MAGI1: variants seen among roughly 807,000 people sequenced by gnomAD.
MAGI1 encodes the protein membrane associated guanylate kinase, WW and PDZ domain containing 1, also known as membrane-associated guanylate kinase, WW and PDZ domain-containing protein 1.
MAGI1 carries 58 observed loss-of-function variants against 139.9 expected under a neutral mutation model. The observed-to-expected ratio is 0.41, with a 90% CI of 0.34 to 0.52. MAGI1 has a LOEUF of 0.52. Among genes scored for constraint, MAGI1 ranks in the 20% least tolerant of loss-of-function variants. The pLI is 0.12. For synonymous variants in MAGI1, 812 were observed against 737.9 expected (o/e 1.10, Z -1.63); for missense variants, 1,874 against 1,901.6 (o/e 0.99, Z 0.27).
chr3:65,660,177 G>C (rs1342951384), intron 1 of MAGI1, among the ~76,000 whole-genome samples: 1 of 152,154 alleles, frequency 6.6e-6, no homozygotes, highest in African/African-American at 2.4e-5. Flanking sequence ...ACCATAGTGA[G>C]GTAAAAGTTC....
intron 2 of MAGI1, among the ~76,000 whole-genome samples, chr3:65,497,229 CAGAG>C (rs930663522): frequency 6.6e-6 from 1 of 151,960 alleles, no homozygotes; most frequent in African/African-American, 2.4e-5. Flanking sequence ...ATAAAATCTA[CAGAG>C]AGAGTTTAGG....
At chr3:65,598,472 T>C (rs2082333378) in intron 2 of MAGI1, among the ~76,000 whole-genome samples, 1 of 152,212 alleles carries the variant, frequency 6.6e-6, no homozygotes, top group Non-Finnish European at 1.5e-5. Context: ...CTGATGAAAC[T>C]GACTTCTGCC....
chr3:66,030,768 C>T (rs1355873883), intron 1 of MAGI1, among the ~76,000 whole-genome samples: 1 of 152,108 alleles, frequency 6.6e-6, no homozygotes, highest in Non-Finnish European at 1.5e-5. Flanking sequence ...ATAAGGACTT[C>T]GGCTTTCACT....
At position 65,562,412 on chromosome 3, in the gene MAGI1, T is replaced by C. The variant is rs559932688; in HGVS notation, c.430+59560A>G. ...AGAACACTATGCATCTTAGAATTGA[T>C]AAATATAGTATTGTAAAAAAGTAAT... On this transcript the variant is annotated intron_variant, in intron 2 of 22. Transcript: ENST00000402939. 6.6e-5 allele frequency among the ~76,000 whole-genome samples: 10 copies of C among 152,336 alleles called. No individual in the cohort carries two copies. The South Asian group carries it at 1.7e-3, about 25-fold the overall frequency.
intron 1 of MAGI1, among the ~76,000 whole-genome samples, chr3:65,764,890 C>G (rs1197119594): frequency 6.6e-6 from 1 of 152,134 alleles, no homozygotes; most frequent in Non-Finnish European, 1.5e-5. Context: ...TTGTTTTGTC[C>G]TTTTTCACTT....
At position 65,572,632 on chromosome 3, in the gene MAGI1, C is replaced by T. The variant is rs2081009452; in HGVS notation, c.430+49340G>A. On this transcript the variant is annotated intron_variant, in intron 2 of 22. Transcript: ENST00000402939. ...ACTAGAGACCTTGAGTTTCTCTGAT[C>T]CTATAAGTAGAAGCAGCCATAGTAG... Among the ~76,000 whole-genome samples the T allele has an allele frequency of 3.3e-5, 5 of 152,086 alleles. 1 individual carries two copies. In the South Asian group the frequency reaches 1.0e-3, roughly 32 times the overall value.
intron 12 of MAGI1, among the ~76,000 whole-genome samples, chr3:65,421,279 C>T (rs1255111445): frequency 6.6e-6 from 1 of 152,102 alleles, no homozygotes; most frequent in African/African-American, 2.4e-5. Flanking sequence ...CCTTTAATAC[C>T]AAATTGGAAT....
chr3:65,692,797 C>T (rs533363245), intron 1 of MAGI1, among the ~76,000 whole-genome samples: 2 of 152,120 alleles, frequency 1.3e-5, no homozygotes, highest in Non-Finnish European at 2.9e-5. Flanking sequence ...CTCTTGTGAG[C>T]CCCCTTGCCA....
intron 1 of MAGI1, among the ~76,000 whole-genome samples, chr3:65,939,406 A>G (rs914917345): frequency 2.6e-5 from 4 of 152,228 alleles, no homozygotes; most frequent in African/African-American, 9.6e-5. Context: ...CAATAACTCA[A>G]TGTGAACTCC....
intron 17 of MAGI1, chr3:65,379,052 A>G: frequency 2.0e-6 from 2 of 987,120 alleles, no homozygotes; most frequent in South Asian, 3.2e-5. Context: ...CTCAGTGTGG[A>G]AGTTGAAAGG....
intron 1 of MAGI1, among the ~76,000 whole-genome samples, chr3:65,775,844 A>T (rs72908263): frequency 0.018 from 2,663 of 152,072 alleles, 76 homozygotes; most frequent in African/African-American, 0.061. Flanking sequence ...GCAATGGCTG[A>T]AGTGGGAGGA....
chr3:65,752,197 C>T (rs1432809724), intron 1 of MAGI1, among the ~76,000 whole-genome samples: 1 of 152,172 alleles, frequency 6.6e-6, no homozygotes, highest in Non-Finnish European at 1.5e-5. Context: ...AACGTGCCCT[C>T]CTTGGCCTCC....
At chr3:65,807,426 A>T (rs1416594353) in intron 1 of MAGI1, among the ~76,000 whole-genome samples, 1 of 152,182 alleles carries the variant, frequency 6.6e-6, no homozygotes, top group Non-Finnish European at 1.5e-5. Context: ...CACCCTCGTG[A>T]CTTAATCACA....
chr3:65,896,497 C>T (rs998956841), intron 1 of MAGI1, among the ~76,000 whole-genome samples: 2 of 152,190 alleles, frequency 1.3e-5, no homozygotes, highest in East Asian at 1.9e-4. Flanking sequence ...CAAGGACATT[C>T]AACAAAGAGT....
chr3:65,976,466 C>T (rs1024860883), intron 1 of MAGI1, among the ~76,000 whole-genome samples: 4 of 152,020 alleles, frequency 2.6e-5, no homozygotes, highest in African/African-American at 9.7e-5. Flanking sequence ...CCTGTCTCTA[C>T]TAAAAATACA....
intron 1 of MAGI1, among the ~76,000 whole-genome samples, chr3:65,721,865 A>C (rs1045829873): frequency 6.6e-6 from 1 of 150,938 alleles, no homozygotes; most frequent in African/African-American, 2.4e-5. Context: ...AAGCTTACAT[A>C]GACTTGATTT....
chr3:65,609,580 G>GT (rs773590706), intron 2 of MAGI1, among the ~76,000 whole-genome samples: 23 of 150,920 alleles, frequency 1.5e-4, no homozygotes, highest in East Asian at 3.9e-4. Context: ...GGTTTTTTTT[G>GT]TTTTTTGTTT....
At chr3:65,564,502 T>G (rs2080519096) in intron 2 of MAGI1, among the ~76,000 whole-genome samples, 1 of 152,146 alleles carries the variant, frequency 6.6e-6, no homozygotes, top group African/African-American at 2.4e-5. Flanking sequence ...TATAAATAAC[T>G]CCCAGCAGAA....
Position 65,428,400 on chromosome 3 carries a change from G to A in MAGI1, c.2167+1120C>T, listed in dbSNP as rs538745219. On this transcript the variant is annotated intron_variant, in intron 12 of 22. Transcript: ENST00000402939. ...AGTATTGCTCAGTGTGACGTCCTGT[G>A]TTTTCTGGTGAGGCAGAGGGTGGGA... Among the ~76,000 whole-genome samples, 14 of 152,254 alleles carry A rather than the reference G, an allele frequency of 9.2e-5. No homozygotes were observed. The South Asian group carries it at 2.9e-3, about 32-fold the overall frequency.
Sources: gnomAD v4.1 joint callset for allele counts (sites outside exome capture counted in the v4.1 genomes callset) on GRCh38, gnomAD v4.1.1 for gene constraint, MANE v1.5 for transcripts, NCBI Gene and HGNC (gene_info 2026-07-23, HGNC 2026-07-21) for gene names.